The following HHIPL1 variants were observed in gnomAD, a reference collection of about 807,000 sequenced individuals.
HHIPL1 encodes the protein HHIP like 1.
Under a neutral mutation model 61.8 loss-of-function variants are expected in HHIPL1, and 43 were observed. The ratio of observed to expected loss-of-function variants is 0.70; its 90% CI spans 0.55 to 0.90. The LOEUF (loss-of-function observed/expected upper bound fraction) is 0.90. HHIPL1 is among the 40% of genes least tolerant of loss of function. HHIPL1 has a pLI of 0.00. For synonymous variants in HHIPL1, 482 were observed against 515.8 expected (o/e 0.93, Z 0.89); for missense variants, 1,056 against 1,157.7 (o/e 0.91, Z 1.28).
upstream of HHIPL1, chr14:99,645,123 G>T (rs1483311300): frequency 8.5e-7 from 1 of 1,183,142 alleles, no homozygotes; most frequent in Non-Finnish European, 1.1e-6. Flanking sequence ...GAAGGGGAGC[G>T]CCCGCCCCTT....
chr14:99,638,058 G>A, the HHIPL1 span, among the ~76,000 whole-genome samples: 1 of 152,338 alleles, frequency 6.6e-6, no homozygotes, highest in East Asian at 1.9e-4. Flanking sequence ...GTGTGTTCCT[G>A]GGTGTTCCTT....
upstream of HHIPL1, among the ~76,000 whole-genome samples, chr14:99,642,743 T>C (rs1380420817): frequency 1.3e-5 from 2 of 151,824 alleles, no homozygotes; most frequent in Admixed American, 6.6e-5. Context: ...CCAGTATGAT[T>C]TCGATCTCCT....
intron 2 of HHIPL1, among the ~76,000 whole-genome samples, chr14:99,655,498 C>T (rs375020450): frequency 6.6e-6 from 1 of 152,072 alleles, no homozygotes; most frequent in Admixed American, 6.5e-5. Flanking sequence ...GTGGCATGCA[C>T]CTGTAGTCTC....
Position 99,656,882 on chromosome 14 carries a change from AGGAAGGAAGGAAG to A in HHIPL1, c.903-116_903-104del, listed in dbSNP as rs1566810151. On this transcript the variant is annotated intron_variant, in intron 2 of 8. Transcript: ENST00000330710. ...AAGGAAGGAAGGAAGGAAGGAAGGA[AGGAAGGAAGGAAG>A]GTCTTTTCCATTGTGAAATGACATC... 102 of 177,252 alleles carry A rather than the reference AGGAAGGAAGGAAG, an allele frequency of 5.8e-4. 25 individuals carry two copies. The highest frequency in any genetic ancestry group is 2.4e-3 in the Admixed American group (17 of 7,124). 11.0% of individuals were successfully genotyped at this position (177,252 alleles called of 1,614,324 possible).
rs200612351 is a variant in HHIPL1 at position 99,652,218 on chromosome 14, C to A, written c.256-6C>A. 1 of 1,587,424 alleles carries A rather than the reference C, an allele frequency of 6.3e-7. No homozygotes were observed. ...AAACATCTCTGAGCCATTACTGTCTCTGCAGGAATGCTCGCCGTATGCAGC... is the reference window on the plus strand; with the variant it reads ...AAACATCTCTGAGCCATTACTGTCTATGCAGGAATGCTCGCCGTATGCAGC... On this transcript the variant is annotated splice_polypyrimidine_tract_variant and splice_region_variant and intron_variant, in intron 1 of 8. Coordinates refer to ENST00000330710, the MANE Select transcript of HHIPL1 (RefSeq NM_001127258.3).
chr14:99,640,953 C>A (rs1016069154), upstream of HHIPL1, among the ~76,000 whole-genome samples: 2 of 124,802 alleles, frequency 1.6e-5, no homozygotes, highest in Non-Finnish European at 3.1e-5. Flanking sequence ...ATGGTGCGAT[C>A]TTGGCTCACT....
chr14:99,666,077 T>C (rs144000873), intron 6 of HHIPL1, among the ~76,000 whole-genome samples: 145 of 152,348 alleles, frequency 9.5e-4, no homozygotes, highest in African/African-American at 3.4e-3. Flanking sequence ...CCACCATGCC[T>C]GAACTCAGAT....
At chr14:99,649,258 G>A (rs945315226) in intron 1 of HHIPL1, among the ~76,000 whole-genome samples, 4 of 152,174 alleles carry the variant, frequency 2.6e-5, no homozygotes, top group African/African-American at 9.6e-5. Context: ...GTTCTGGATT[G>A]GGCTTTGGTG....
At chr14:99,629,821 A>G in the HHIPL1 span, among the ~76,000 whole-genome samples, 4 of 152,214 alleles carry the variant, frequency 2.6e-5, no homozygotes, top group African/African-American at 7.2e-5. Flanking sequence ...TTTTTGAACT[A>G]TATAGAAGTA....
In HHIPL1 at chr14:99,668,862, T is replaced by A; in HGVS notation, c.1730+559T>A. ...AGGCCAGAAGCGCCATGCCCGGCTA[T>A]GTCCCAGCTCCTTCCGTGTGCAGCT... On this transcript the variant is annotated intron_variant, in intron 7 of 8. Coordinates refer to ENST00000330710, the MANE Select transcript of HHIPL1 (RefSeq NM_001127258.3). The surrounding 1 kb of genome is among the most constrained non-coding windows in gnomAD (Gnocchi z 4.7). The A allele has an allele frequency of 6.2e-7, 1 of 1,614,118 alleles. No individual in the cohort carries two copies. Among genetic ancestry groups the A allele is most frequent in the Non-Finnish European group, 8.5e-7 (1 of 1,180,034 alleles).
intron 2 of HHIPL1, among the ~76,000 whole-genome samples, chr14:99,654,394 A>G (rs2055994171): frequency 6.6e-6 from 1 of 152,084 alleles, no homozygotes; most frequent in Non-Finnish European, 1.5e-5. Context: ...TGGAGCCGAG[A>G]GAAGGAGCAG....
At chr14:99,655,021 T>C (rs1243931283) in intron 2 of HHIPL1, among the ~76,000 whole-genome samples, 4 of 152,206 alleles carry the variant, frequency 2.6e-5, no homozygotes, top group Non-Finnish European at 5.9e-5. Context: ...AGCCTAGAAC[T>C]TGACTCACTG....
At chr14:99,630,473 C>T in the HHIPL1 span, among the ~76,000 whole-genome samples, 1 of 152,228 alleles carries the variant, frequency 6.6e-6, no homozygotes, top group African/African-American at 2.4e-5. Context: ...GCCTAGATTC[C>T]AGCTCAGCAT....
Position 99,652,379 on chromosome 14 carries a change from G to C in HHIPL1, c.411G>C (p.Ala137=). The C allele has an allele frequency of 1.9e-6, 3 of 1,614,194 alleles. No individual in the cohort carries two copies. Among genetic ancestry groups the C allele is most frequent in the Non-Finnish European group, 2.5e-6 (3 of 1,180,040 alleles). The part of the protein sequence containing the change: ...RHLSTDQELW[A]LEGNLARFCR... ...TGTCAACTGACCAGGAGCTCTGGGC[G>C]CTGGAGGGCAACCTTGCCAGGTTCT... The change falls in exon 2 of 9, where the codon GCG becomes GCC. Residue 137 remains alanine, a synonymous_variant. Transcript: ENST00000330710.
At chr14:99,646,978 G>A (rs1002375736) in intron 1 of HHIPL1, among the ~76,000 whole-genome samples, 2 of 152,030 alleles carry the variant, frequency 1.3e-5, no homozygotes, top group African/African-American at 2.4e-5. Context: ...TGGATTTCTC[G>A]AGGGCTTCCT....
At position 99,659,851 on chromosome 14, in the gene HHIPL1, C is replaced by G. The variant is rs868383196; in HGVS notation, c.1375+95C>G. Reference sequence around the variant, plus strand: ...GGGCCTCCCTCGGAGACCGCACCCCCCCCCCCCCGGAGATCCCTGACCCTG... The same window carrying G: ...GGGCCTCCCTCGGAGACCGCACCCCGCCCCCCCCGGAGATCCCTGACCCTG... On this transcript the variant is annotated intron_variant, in intron 4 of 8. Coordinates refer to ENST00000330710, the MANE Select transcript of HHIPL1 (RefSeq NM_001127258.3). The G allele has an allele frequency of 3.3e-5, 18 of 551,436 alleles. 2 individuals are homozygous for G. Among genetic ancestry groups the G allele is most frequent in the Admixed American group, 9.9e-5 (2 of 20,270 alleles). The allele number at this position is 551,436 out of a possible 1,614,324, so 34.2% of individuals were successfully genotyped here.
At chr14:99,663,101 G>A (rs2056181666) in intron 6 of HHIPL1, 80 bp downstream of exon 6, 9 of 1,372,072 alleles carry the variant, frequency 6.6e-6, no homozygotes, top group Non-Finnish European at 8.9e-6. Context: ...TCTGGTCTCT[G>A]ATGTAGGGGA....
the HHIPL1 span, among the ~76,000 whole-genome samples, chr14:99,637,193 A>AATGG: frequency 2.4e-5 from 2 of 83,902 alleles, no homozygotes; most frequent in East Asian, 4.5e-4. Flanking sequence ...AGAATGGAAG[A>AATGG]AAGAAAGGAA....
chr14:99,661,103 G>C (rs4624107), intron 5 of HHIPL1, among the ~76,000 whole-genome samples: 52,611 of 151,086 alleles, frequency 0.35, 9,921 homozygotes, highest in South Asian at 0.45. Flanking sequence ...CTTCGAGTCA[G>C]GCTCTGTCCC....
Sources: allele counts gnomAD v4.1 joint callset (sites outside exome capture counted in the v4.1 genomes callset), GRCh38; gene constraint gnomAD v4.1.1; non-coding constraint Gnocchi (gnomAD v3.1); transcripts MANE v1.5; gene names NCBI Gene and HGNC (gene_info 2026-07-23, HGNC 2026-07-21).